Variants in TRIO observed in about 807,000 individuals in gnomAD.
The protein encoded by TRIO is trio Rho guanine nucleotide exchange factor, also known as triple functional domain protein.
A neutral mutation model predicts 351.9 loss-of-function variants in TRIO; 58 were observed. The ratio of observed to expected loss-of-function variants is 0.16; its 90% confidence interval spans 0.13 to 0.21. The LOEUF is 0.21. TRIO is among the 10% of genes least tolerant of loss of function. The pLI is 1.00. For missense variants in TRIO, 3,201 were observed against 4,027.8 expected, an observed-to-expected ratio of 0.79 and a Z score of 5.56; for synonymous variants, 1,758 against 1,595.7, an observed-to-expected ratio of 1.10 and a Z score of -2.42.
At chr5:14,442,181 C>T (rs1159885261) in intron 34 of TRIO, among the ~76,000 whole-genome samples, 1 of 152,210 alleles carries the variant, frequency 6.6e-6, no homozygotes, top group South Asian at 2.1e-4. Flanking sequence ...TGCTCTCTAC[C>T]AGAATTTGGG....
intron 1 of TRIO, among the ~76,000 whole-genome samples, chr5:14,189,383 G>C (rs1790324581): frequency 2.0e-5 from 3 of 152,174 alleles, no homozygotes; most frequent in Non-Finnish European, 4.4e-5. Context: ...ATACAAGTGA[G>C]ATGTTTTTGA....
At position 14,374,154 on chromosome 5, in the gene TRIO, G is replaced by A. The variant is rs536553072; in HGVS notation, c.3217-75G>A. ...ATTTTAGGTAAAGACATACGTTAGA[G>A]TGCAGTGATGTGTACTCCAAATACA... On this transcript the variant is annotated intron_variant, in intron 18 of 56. Transcript: ENST00000344204. 7 of 1,036,806 alleles carry A rather than the reference G, an allele frequency of 6.8e-6. No individual in the cohort carries two copies. In the East Asian group the frequency reaches 1.6e-4, roughly 23 times the overall value. 64.2% of individuals were successfully genotyped at this position (1,036,806 alleles called of 1,614,324 possible). A position where few individuals can be genotyped will look rare whatever the true frequency, so the allele number is the denominator to read the frequency against.
intron 1 of TRIO, among the ~76,000 whole-genome samples, chr5:14,238,767 G>A (rs897935873): frequency 5.9e-5 from 9 of 152,134 alleles, no homozygotes; most frequent in Admixed American, 3.3e-4. Flanking sequence ...CCTGGTGGGG[G>A]GTGCAACTAA....
chr5:14,202,952 T>A (rs1791227242), intron 1 of TRIO, among the ~76,000 whole-genome samples: 1 of 152,090 alleles, frequency 6.6e-6, no homozygotes, highest in South Asian at 2.1e-4. Context: ...TTATTTATGC[T>A]TTTATTTATA....
At position 14,226,817 on chromosome 5, in the gene TRIO, C is replaced by T. The variant is rs184821174; in HGVS notation, c.158-44008C>T. Among the ~76,000 whole-genome samples, 19 of 152,288 alleles carry T rather than the reference C, an allele frequency of 1.2e-4. No homozygotes were observed. The East Asian group carries it at 3.1e-3, about 25-fold the overall frequency. On this transcript the variant is annotated intron_variant, in intron 1 of 56. Transcript: ENST00000344204. ...TCCATATCTTCCCAGGGTTCGGAGA[C>T]GTGGAGGGCACAAGTGGCCGATGGC... is the stretch of plus-strand genomic sequence containing the variant.
intron 10 of TRIO, among the ~76,000 whole-genome samples, chr5:14,334,226 A>T (rs1741186483): frequency 6.6e-6 from 1 of 152,190 alleles, no homozygotes; most frequent in Non-Finnish European, 1.5e-5. Flanking sequence ...TGATACTAGC[A>T]CAAAGAAATC....
At chr5:14,357,769 T>C (rs759794822) in intron 11 of TRIO, among the ~76,000 whole-genome samples, 1 of 152,146 alleles carries the variant, frequency 6.6e-6, no homozygotes, top group Non-Finnish European at 1.5e-5. Context: ...GAAATACAAG[T>C]GTCCACCTGC....
chr5:14,471,390 G>C lies in TRIO; in HGVS notation c.5836G>C (p.Asp1946His), dbSNP rs1202218968. ...DSSSPSFNPS[D>H]NSLLSSSSPI... is the part of the protein sequence containing the mutation. ...TAGCAGCCCTTCCTTCAACCCTTCG[G>C]ATAATTCCCTTCTCTCTTCCTCCTC... Residue 1946 changes from aspartate to histidine, a missense_variant, in exon 38 of 57, where the codon GAT (aspartate) becomes CAT (histidine). This residue lies in a region of TRIO where 307 missense variants were observed against 396.5 expected (regional missense o/e 0.77). Coordinates refer to ENST00000344204, the MANE Select transcript of TRIO (RefSeq NM_007118.4). 6.2e-7 allele frequency: 1 copy of C among 1,614,048 alleles called. No homozygotes were observed. Among genetic ancestry groups the C allele is most frequent in the Non-Finnish European group, 8.5e-7 (1 of 1,180,038 alleles).
chr5:14,375,870 A>G (rs1053268933), intron 19 of TRIO, among the ~76,000 whole-genome samples: 1 of 152,250 alleles, frequency 6.6e-6, no homozygotes, highest in African/African-American at 2.4e-5. Context: ...AGCAGACTTC[A>G]GATTTCAAAG....
At chr5:14,501,697 A>G (rs1034075232) in intron 53 of TRIO, among the ~76,000 whole-genome samples, 2 of 152,144 alleles carry the variant, frequency 1.3e-5, no homozygotes, top group Non-Finnish European at 2.9e-5. Context: ...ACCTGGGGAG[A>G]GGTGAGGAAG....
chr5:14,381,111 T>C lies in TRIO; in HGVS notation c.3448-19T>C. The C allele has an allele frequency of 5.0e-6, 8 of 1,610,344 alleles. No individual in the cohort carries two copies. Among genetic ancestry groups the C allele is most frequent in the Non-Finnish European group, 6.8e-6 (8 of 1,178,342 alleles). ...GGAATGTGTAGCCCTCTGACTCCAT[T>C]CATTCCTTCCCCTTCCAGGCTTTGG... is the stretch of plus-strand genomic sequence containing the variant. On this transcript the variant is annotated intron_variant, in intron 20 of 56. Coordinates refer to ENST00000344204, the MANE Select transcript of TRIO (RefSeq NM_007118.4).
At chr5:14,494,677 T>C (rs1166814547) in intron 49 of TRIO, among the ~76,000 whole-genome samples, 3 of 152,154 alleles carry the variant, frequency 2.0e-5, no homozygotes, top group Non-Finnish European at 2.9e-5. Flanking sequence ...GGCGGGTGGA[T>C]CACCTGAGGT....
At chr5:14,162,882 C>G (rs944214493) in intron 1 of TRIO, among the ~76,000 whole-genome samples, 1 of 152,204 alleles carries the variant, frequency 6.6e-6, no homozygotes, top group Non-Finnish European at 1.5e-5. Flanking sequence ...TCTTGGCTCA[C>G]TGCAGCCTCC....
intron 1 of TRIO, among the ~76,000 whole-genome samples, chr5:14,198,284 G>A (rs1394181073): frequency 2.0e-5 from 3 of 152,116 alleles, no homozygotes; most frequent in East Asian, 1.9e-4. Context: ...ACTGTATCAT[G>A]CCCATTTCCC....
At chr5:14,257,084 T>G (rs1413787982) in intron 1 of TRIO, among the ~76,000 whole-genome samples, 1 of 152,204 alleles carries the variant, frequency 6.6e-6, no homozygotes, top group Non-Finnish European at 1.5e-5. Flanking sequence ...GAGAGATGTT[T>G]GCCTATTGAA....
chr5:14,503,749 C>T (rs1236079738), intron 54 of TRIO, among the ~76,000 whole-genome samples: 5 of 152,218 alleles, frequency 3.3e-5, no homozygotes, highest in Admixed American at 6.5e-5. Context: ...GTAGCAAAAC[C>T]GTGGCCTTTA....
At chr5:14,415,356 G>C (rs1014129007) in intron 33 of TRIO, among the ~76,000 whole-genome samples, 6 of 152,124 alleles carry the variant, frequency 3.9e-5, no homozygotes, top group Non-Finnish European at 8.8e-5. Flanking sequence ...GCTTGCCCCA[G>C]AACTCATCGC....
chr5:14,147,975 AAAGC>A (rs1213876691), intron 1 of TRIO, among the ~76,000 whole-genome samples: 1 of 152,258 alleles, frequency 6.6e-6, no homozygotes, highest in East Asian at 1.9e-4. Flanking sequence ...GTTTTAGAGG[AAAGC>A]AAGGAGATTT....
intron 1 of TRIO, among the ~76,000 whole-genome samples, chr5:14,184,975 C>T (rs1280964055): frequency 6.6e-6 from 1 of 152,180 alleles, no homozygotes; most frequent in Non-Finnish European, 1.5e-5. Context: ...CTTGGGTGGA[C>T]GTCACCAATA....
Sources: allele counts gnomAD v4.1 joint callset (sites outside exome capture counted in the v4.1 genomes callset), GRCh38; gene constraint gnomAD v4.1.1; regional missense constraint gnomAD v4.1.1; transcripts MANE v1.5; gene names NCBI Gene and HGNC (gene_info 2026-07-23, HGNC 2026-07-21).